TPTE: variants seen among roughly 807,000 people sequenced by gnomAD.
TPTE encodes transmembrane phosphatase with tensin homology, also known as putative tyrosine-protein phosphatase TPTE.
TPTE carries 59 observed loss-of-function variants against 84.1 expected under a neutral mutation model. That is an observed-to-expected ratio of 0.70 (90% CI 0.57 to 0.87). The LOEUF (loss-of-function observed/expected upper bound fraction) is 0.87. Ranked by LOEUF, TPTE falls within the 40% of genes least tolerant of loss-of-function variation. TPTE has a pLI of 0.00. For missense variants in TPTE, 382 were observed against 659.6 expected (o/e 0.58, Z 4.61); for synonymous variants, 130 against 223.5 (o/e 0.58, Z 3.73).
intron 3 of TPTE, among the ~76,000 whole-genome samples, chr21:10,536,584 GGA>G (rs2074270485): frequency 1.3e-5 from 2 of 152,304 alleles, no homozygotes; most frequent in African/African-American, 4.8e-5. Flanking sequence ...AGAGAGAAAG[GGA>G]GAGAAAGAGA....
At chr21:10,599,831 G>GTTCT (rs1328895686) in intron 21 of TPTE, among the ~76,000 whole-genome samples, 1 of 142,574 alleles carries the variant, frequency 7.0e-6, no homozygotes, top group Middle Eastern at 3.5e-3. Context: ...TAGTTAGTTG[G>GTTCT]TTCTTTCTTT....
chr21:10,576,009 C>T (rs1372146107), intron 14 of TPTE, among the ~76,000 whole-genome samples: 2 of 152,422 alleles, frequency 1.3e-5, no homozygotes, highest in African/African-American at 4.8e-5. Flanking sequence ...ATGTGGAAGA[C>T]AGTGTGGCAA....
At chr21:10,547,110 C>G (rs1398580350) in intron 7 of TPTE, among the ~76,000 whole-genome samples, 60 of 152,396 alleles carry the variant, frequency 3.9e-4, no homozygotes, top group African/African-American at 1.4e-3. Flanking sequence ...AAGCTGGTGA[C>G]TTTAAGTTGA....
At chr21:10,522,026 C>G (rs1001565320) in intron 1 of TPTE, among the ~76,000 whole-genome samples, 9 of 152,250 alleles carry the variant, frequency 5.9e-5, no homozygotes, top group Non-Finnish European at 5.9e-5. Context: ...AGGAAATGGC[C>G]TAGGAGCCGG....
intron 9 of TPTE, among the ~76,000 whole-genome samples, chr21:10,560,699 T>C (rs1229030101): frequency 1.3e-5 from 2 of 152,312 alleles, no homozygotes; most frequent in South Asian, 2.1e-4. Flanking sequence ...CTTATGAAAT[T>C]CGCAAATTTT....
rs1258057239 is a variant in TPTE at position 10,530,121 on chromosome 21, C to T, written c.-44+2709C>T. Among the ~76,000 whole-genome samples the T allele has an allele frequency of 3.9e-5, 6 of 152,418 alleles. No individual in the cohort carries two copies. The South Asian group carries it at 6.2e-4, about 16-fold the overall frequency. On this transcript the variant is annotated intron_variant, in intron 3 of 23. Coordinates refer to ENST00000618007, the MANE Select transcript of TPTE (RefSeq NM_199261.4). ...CCAGTGGGACTCCCTAAAAGCTAGC[C>T]CCTGTGTCCTTTTGACTTGACATGT... is the stretch of plus-strand genomic sequence containing the variant.
chr21:10,568,361 C>A (rs1483506377), intron 11 of TPTE, among the ~76,000 whole-genome samples: 1 of 152,312 alleles, frequency 6.6e-6, no homozygotes, highest in Non-Finnish European at 1.5e-5. Flanking sequence ...TGACACGTGG[C>A]AACACAATAG....
At chr21:10,588,462 C>G (rs2075406911) in intron 17 of TPTE, among the ~76,000 whole-genome samples, 1 of 152,310 alleles carries the variant, frequency 6.6e-6, no homozygotes, top group Admixed American at 6.5e-5. Context: ...TGACAGTGAC[C>G]TTGGATAGTC....
At position 10,561,154 on chromosome 21, in the gene TPTE, T is replaced by C; in HGVS notation, c.409T>C (p.Phe137Leu). ...TATTTCTCTAGCTATTGCCTTATTT[T>C]TTCTCATGGATGTTCTTCTTCGAGT... ...RSISLAIALF[F>L]LMDVLLRVFV... The change falls in exon 10 of 24, where the codon TTT becomes CTT. Residue 137 changes from phenylalanine (F) to leucine (L), a missense_variant. Physicochemically the swap from Phe to Leu is conservative, Grantham distance 22. This residue lies in a region of TPTE where 85 missense variants were observed against 230.9 expected (regional missense o/e 0.37). Coordinates refer to ENST00000618007, the MANE Select transcript of TPTE (RefSeq NM_199261.4). The C allele has an allele frequency of 6.2e-7, 1 of 1,612,048 alleles. No individual in the cohort carries two copies. The highest frequency in any genetic ancestry group is 8.5e-7 in the Non-Finnish European group (1 of 1,179,858).
chr21:10,594,079 A>G (rs1427393552), intron 19 of TPTE, among the ~76,000 whole-genome samples: 3 of 152,308 alleles, frequency 2.0e-5, no homozygotes, highest in African/African-American at 4.8e-5. Flanking sequence ...CTATGTCCCC[A>G]CTGCCAATGG....
At chr21:10,544,561 T>G (rs1433928717) in intron 7 of TPTE, among the ~76,000 whole-genome samples, 1 of 152,310 alleles carries the variant, frequency 6.6e-6, no homozygotes, top group African/African-American at 2.4e-5. Flanking sequence ...ATTTTTTGTA[T>G]TTTTGGTAGG....
Position 10,550,907 on chromosome 21 carries a change from T to C in TPTE, c.174-1750T>C, listed in dbSNP as rs2074559985. ...AATTGAAATTCTATCAGGTATCTTA[T>C]CTTACCACAATGGAATAAAACTAGA... On this transcript the variant is annotated intron_variant, in intron 7 of 23. Transcript: ENST00000618007. Among the ~76,000 whole-genome samples the C allele has an allele frequency of 3.9e-5, 6 of 152,312 alleles. No individual in the cohort carries two copies. The South Asian group carries it at 8.3e-4, about 21-fold the overall frequency.
intron 4 of TPTE, 39 bp downstream of exon 4, chr21:10,538,773 T>C (rs1345167046): frequency 1.9e-6 from 3 of 1,614,070 alleles, no homozygotes; most frequent in Non-Finnish European, 2.5e-6. Flanking sequence ...TATCGAATTA[T>C]AACTGAGCAT....
At chr21:10,532,351 A>G (rs1454287827) in intron 3 of TPTE, among the ~76,000 whole-genome samples, 3 of 152,296 alleles carry the variant, frequency 2.0e-5, no homozygotes, top group East Asian at 1.9e-4. Context: ...TGTTCTAGTT[A>G]TGCTCCCTTC....
intron 8 of TPTE, among the ~76,000 whole-genome samples, chr21:10,558,187 G>C (rs1600898439): frequency 6.6e-6 from 1 of 152,306 alleles, no homozygotes; most frequent in Admixed American, 6.5e-5. Flanking sequence ...CCATGTCTTT[G>C]CTATTGTAAA....
At chr21:10,551,149 C>G (rs927871486) in intron 7 of TPTE, among the ~76,000 whole-genome samples, 9 of 152,306 alleles carry the variant, frequency 5.9e-5, no homozygotes, top group Non-Finnish European at 1.0e-4. Context: ...CTACAAAGGA[C>G]ATGAACTCAT....
At chr21:10,603,035 G>A (rs1273141751) in intron 22 of TPTE, among the ~76,000 whole-genome samples, 1 of 152,310 alleles carries the variant, frequency 6.6e-6, no homozygotes, top group South Asian at 2.1e-4. Flanking sequence ...ATATTTAGCT[G>A]TCCCATAGTG....
At chr21:10,557,944 CT>C (rs2074715721) in intron 8 of TPTE, among the ~76,000 whole-genome samples, 1 of 152,308 alleles carries the variant, frequency 6.6e-6, no homozygotes, top group Non-Finnish European at 1.5e-5. Context: ...TGTCTATTTC[CT>C]TCTTTGTGTT....
chr21:10,603,504 C>A (rs1600996231), intron 22 of TPTE, 58 bp from the exon 23 acceptor site: 2 of 1,507,448 alleles, frequency 1.3e-6, no homozygotes, highest in South Asian at 1.2e-5. Flanking sequence ...ACTTCAATTT[C>A]TTTGGAATGA....
Sources: gnomAD v4.1 joint callset for allele counts (sites outside exome capture counted in the v4.1 genomes callset) on GRCh38, gnomAD v4.1.1 for gene constraint, gnomAD v4.1.1 regional missense constraint, MANE v1.5 for transcripts, NCBI Gene and HGNC (gene_info 2026-07-23, HGNC 2026-07-21) for gene names.